Variants in RELN observed in about 807,000 individuals in gnomAD.
RELN encodes the protein reelin.
A neutral mutation model predicts 427.6 loss-of-function variants in RELN; 108 were observed. The observed-to-expected ratio is 0.25, with a 90% CI of 0.22 to 0.30. The LOEUF (loss-of-function observed/expected upper bound fraction) is 0.30, where lower values mean the gene tolerates loss of function less well. Among genes scored for constraint, RELN ranks in the 10% least tolerant of loss-of-function variants. RELN has a pLI of 1.00. For missense variants in RELN, 3,715 were observed against 4,302.8 expected (o/e 0.86, Z 3.82); for synonymous variants, 1,524 against 1,513.4 (o/e 1.01, Z -0.16).
intron 2 of RELN, among the ~76,000 whole-genome samples, chr7:103,859,418 T>G (rs988557531): frequency 3.3e-5 from 5 of 152,100 alleles, no homozygotes; most frequent in African/African-American, 1.2e-4. Flanking sequence ...CTCAGCCTCC[T>G]GAGTAGCTGG....
chr7:103,825,306 A>T (rs1793109783), intron 3 of RELN, among the ~76,000 whole-genome samples: 1 of 152,136 alleles, frequency 6.6e-6, no homozygotes, highest in Admixed American at 6.6e-5. Flanking sequence ...AAAATGCCTT[A>T]GCCCAAGGCA....
At position 103,589,805 on chromosome 7, in the gene RELN, T is replaced by A; in HGVS notation, c.3936A>T (p.Gln1312His). The change falls in exon 28 of 65, where the codon CAA (glutamine) becomes CAT (histidine). Residue 1312 changes from glutamine (Q) to histidine (H), a missense_variant. Physicochemically the swap from Gln to His is conservative, Grantham distance 24. Around this residue, in one of 4 missense-constraint regions of RELN, gnomAD observed 2,208 missense variants for 2,361.7 expected, o/e 0.93. Transcript: ENST00000428762. ...QFKLNIGCAN[Q>H]FSSTAPVLLQ... ...GAAGAACTGGAGCAGTACTGCTGAA[T>A]TGATTGGCACAACCTATGTTTAGCT... The A allele has an allele frequency of 6.2e-7, 1 of 1,609,098 alleles. No individual in the cohort carries two copies. Among genetic ancestry groups the A allele is most frequent in the Non-Finnish European group, 8.5e-7 (1 of 1,175,456 alleles).
Position 103,749,492 on chromosome 7 carries a change from C to T in RELN, c.590G>A (p.Ser197Asn). Residue 197 changes from serine (S) to asparagine (N), a missense_variant, in exon 6 of 65, where the codon AGT (serine) becomes AAT (asparagine). Physicochemically the swap from Ser to Asn is conservative, Grantham distance 46 (BLOSUM62 1). This residue lies in a region of RELN where 2,208 missense variants were observed against 2,361.7 expected (regional missense o/e 0.93). Transcript: ENST00000428762. ...TVHPHLAEIH[S>N]DSIILRDDFD... The stretch of plus-strand genomic sequence containing the variant: ...GTCATCTCTCAGGATAATGCTGTCA[C>T]TATGTATTTCAGCTAAAAGAAAAAG... The T allele has an allele frequency of 6.2e-7, 1 of 1,611,712 alleles. No homozygotes were observed. Among genetic ancestry groups the T allele is most frequent in the Non-Finnish European group, 8.5e-7 (1 of 1,177,944 alleles).
intron 52 of RELN, among the ~76,000 whole-genome samples, chr7:103,502,602 G>A (rs1265187651): frequency 4.6e-5 from 7 of 152,332 alleles, no homozygotes; most frequent in African/African-American, 1.4e-4. Flanking sequence ...GAAATAGCAT[G>A]ATGAGTTAGG....
At chr7:103,852,894 T>C (rs1793858925) in intron 2 of RELN, among the ~76,000 whole-genome samples, 1 of 152,070 alleles carries the variant, frequency 6.6e-6, no homozygotes, top group South Asian at 2.1e-4. Context: ...GTTCTTCTAA[T>C]TCCAATAGTG....
chr7:103,924,954 A>ACT (rs1203937864), intron 1 of RELN, among the ~76,000 whole-genome samples: 2 of 146,564 alleles, frequency 1.4e-5, no homozygotes, highest in Non-Finnish European at 3.0e-5. Flanking sequence ...CCCTACAAGC[A>ACT]CTCTCTCTCT....
intron 22 of RELN, among the ~76,000 whole-genome samples, chr7:103,605,982 T>C (rs1385077592): frequency 6.6e-6 from 1 of 152,154 alleles, no homozygotes; most frequent in Non-Finnish European, 1.5e-5. Flanking sequence ...TGGTAATCAG[T>C]TTATATTTGT....
At chr7:103,739,747 G>A (rs1410281288) in intron 6 of RELN, among the ~76,000 whole-genome samples, 1 of 152,176 alleles carries the variant, frequency 6.6e-6, no homozygotes, top group Non-Finnish European at 1.5e-5. Context: ...GATATGAAGG[G>A]CCACTTCCCT....
At chr7:103,489,325 A>G (rs1194245604) in intron 60 of RELN, among the ~76,000 whole-genome samples, 4 of 151,946 alleles carry the variant, frequency 2.6e-5, no homozygotes, top group Non-Finnish European at 5.9e-5. Context: ...CTGAGGAAGG[A>G]GGGATACTGG....
chr7:103,490,112 CTGAAAATTTCATG>C (rs1387620210), intron 59 of RELN, among the ~76,000 whole-genome samples: 1 of 152,228 alleles, frequency 6.6e-6, no homozygotes, highest in Non-Finnish European at 1.5e-5. Context: ...TGTATCTTCT[CTGAAAATTTCATG>C]TGAATTTCCT....
chr7:103,587,203 T>C (rs1267092029), intron 28 of RELN, among the ~76,000 whole-genome samples: 1 of 152,064 alleles, frequency 6.6e-6, no homozygotes, highest in African/African-American at 2.4e-5. Context: ...TGGAACAGAA[T>C]AGATAATCCA....
At chr7:103,944,974 C>A (rs981742286) in intron 1 of RELN, among the ~76,000 whole-genome samples, 4 of 152,048 alleles carry the variant, frequency 2.6e-5, no homozygotes, top group Admixed American at 2.0e-4. Flanking sequence ...TCCCAGTCCC[C>A]AGGTATGTTA....
chr7:103,826,099 T>A (rs1793131440), intron 3 of RELN, among the ~76,000 whole-genome samples: 1 of 151,250 alleles, frequency 6.6e-6, no homozygotes, highest in Non-Finnish European at 1.5e-5. Flanking sequence ...GGGTTCCTGA[T>A]AAAAGGATGA....
intron 38 of RELN, among the ~76,000 whole-genome samples, chr7:103,555,976 C>T (rs1215800925): frequency 2.0e-5 from 3 of 152,138 alleles, no homozygotes; most frequent in East Asian, 3.9e-4. Flanking sequence ...CATCTCCATG[C>T]TTATTTAGGT....
chr7:103,690,428 C>T (rs1035621327), intron 10 of RELN, among the ~76,000 whole-genome samples: 1 of 152,108 alleles, frequency 6.6e-6, no homozygotes, highest in Admixed American at 6.6e-5. Context: ...AAATGTGGAA[C>T]ACCCATCCAC....
intron 2 of RELN, among the ~76,000 whole-genome samples, chr7:103,905,650 T>C (rs2116633052): frequency 6.6e-6 from 1 of 152,210 alleles, no homozygotes; most frequent in East Asian, 1.9e-4. Context: ...TCAGTAAATA[T>C]TTATTGAGCA....
Position 103,989,088 on chromosome 7 carries a change from G to T in RELN, c.226+43C>A. 1 of 1,549,664 alleles carries T rather than the reference G, an allele frequency of 6.5e-7. No individual in the cohort carries two copies. Among genetic ancestry groups the T allele is most frequent in the Non-Finnish European group, 8.9e-7 (1 of 1,125,616 alleles). On this transcript the variant is annotated intron_variant, in intron 1 of 64. Transcript: ENST00000428762. This position sits in a 1 kb window ranked among gnomAD's most constrained non-coding sequence, Gnocchi z 4.9. The stretch of plus-strand genomic sequence containing the variant: ...AGGGATGAGAAAGGTGCGCTGGCGG[G>T]CGCACCCGGCGGCGGCGAGCGCGGA...
chr7:103,915,650 C>A (rs916030727), intron 2 of RELN, among the ~76,000 whole-genome samples: 13 of 151,344 alleles, frequency 8.6e-5, no homozygotes, highest in African/African-American at 3.1e-4. Flanking sequence ...AAAAAATCAC[C>A]AATGCTCAGG....
At chr7:103,534,310 T>C (rs1375458181) in intron 46 of RELN, among the ~76,000 whole-genome samples, 2 of 152,206 alleles carry the variant, frequency 1.3e-5, no homozygotes, top group Non-Finnish European at 2.9e-5. Flanking sequence ...TCTATCAAGA[T>C]GTTAAAGCTT....
Sources: gnomAD v4.1 joint callset for allele counts (sites outside exome capture counted in the v4.1 genomes callset) on GRCh38, gnomAD v4.1.1 for gene constraint, gnomAD v4.1.1 regional missense constraint, Gnocchi (gnomAD v3.1) non-coding constraint, MANE v1.5 for transcripts, NCBI Gene and HGNC (gene_info 2026-07-23, HGNC 2026-07-21) for gene names.